GAD2: variants seen among roughly 807,000 people sequenced by gnomAD.
GAD2 encodes the protein glutamate decarboxylase 2.
GAD2 carries 22 observed loss-of-function variants against 80.1 expected under a neutral mutation model. The ratio of observed to expected loss-of-function variants is 0.27; its 90% CI spans 0.20 to 0.39. GAD2 has a LOEUF of 0.39. GAD2 is among the 10% of genes least tolerant of loss of function. The pLI, the probability that GAD2 is intolerant of heterozygous loss-of-function variation, is 1.00. For synonymous variants in GAD2, 274 were observed against 256.9 expected (o/e 1.07, Z -0.64); for missense variants, 624 against 738.4 (o/e 0.85, Z 1.80).
Position 26,217,500 on chromosome 10 carries a change from G to A in GAD2, c.77-110G>A, listed in dbSNP as rs879109080. 5 of 1,162,790 alleles carry A rather than the reference G, an allele frequency of 4.3e-6. No individual in the cohort carries two copies. The South Asian group carries it at 6.6e-5, about 15-fold the overall frequency. The allele number at this position is 1,162,790 out of a possible 1,614,324, so 72.0% of individuals were successfully genotyped here. On this transcript the variant is annotated intron_variant, in intron 1 of 15. Transcript: ENST00000376261. This position sits in a 1 kb window ranked among gnomAD's most constrained non-coding sequence, Gnocchi z 4.9. The stretch of plus-strand genomic sequence containing the variant: ...CTGAGCGGCCCCCAGGAGGAAGGCG[G>A]CCCCTCCTAGGACCCCGGACTGATT...
chr10:26,283,442 T>C (rs1380320705), intron 12 of GAD2, among the ~76,000 whole-genome samples: 2 of 152,232 alleles, frequency 1.3e-5, no homozygotes, highest in East Asian at 3.8e-4. Context: ...CAAGGAAGGC[T>C]TGTTTCTACA....
intron 6 of GAD2, among the ~76,000 whole-genome samples, chr10:26,226,767 C>A (rs1454836892): frequency 1.3e-5 from 2 of 152,294 alleles, no homozygotes; most frequent in Admixed American, 1.3e-4. Flanking sequence ...ATATCCAAAG[C>A]CTTCATGCTT....
chr10:26,244,796 T>C (rs1259364530), intron 7 of GAD2, among the ~76,000 whole-genome samples: 1 of 152,054 alleles, frequency 6.6e-6, no homozygotes, highest in African/African-American at 2.4e-5. Context: ...TGAAGATGGA[T>C]GGAGGTGATG....
chr10:26,248,957 G>C (rs1844844245), intron 8 of GAD2, among the ~76,000 whole-genome samples: 1 of 152,212 alleles, frequency 6.6e-6, no homozygotes, highest in Non-Finnish European at 1.5e-5. Context: ...AGATAGGCGA[G>C]AGGATCTCCA....
In GAD2 at chr10:26,235,323, T is replaced by G. The variant is rs1589139716; in HGVS notation, c.840+5546T>G. 2.0e-5 allele frequency among the ~76,000 whole-genome samples: 3 copies of G among 152,212 alleles called. No individual in the cohort carries two copies. The East Asian group carries it at 5.8e-4, about 29-fold the overall frequency. ...TTGCGAGACTCTGTGGCCTTCTGCATCCAACCAGAAATGTTCACATATTCA... is the reference window on the plus strand; with the variant it reads ...TTGCGAGACTCTGTGGCCTTCTGCAGCCAACCAGAAATGTTCACATATTCA... On this transcript the variant is annotated intron_variant, in intron 7 of 15. Coordinates refer to ENST00000376261, the MANE Select transcript of GAD2 (RefSeq NM_001134366.2).
intron 8 of GAD2, among the ~76,000 whole-genome samples, chr10:26,263,330 G>T (rs112705025): frequency 4.6e-5 from 7 of 152,258 alleles, no homozygotes; most frequent in South Asian, 2.1e-4. Context: ...ATAGCAAATA[G>T]GAAGTTCACT....
At chr10:26,290,269 G>T (rs1482672548) in intron 13 of GAD2, among the ~76,000 whole-genome samples, 1 of 152,144 alleles carries the variant, frequency 6.6e-6, no homozygotes, top group Non-Finnish European at 1.5e-5. Context: ...TAAATGCACA[G>T]AAATCCATCA....
intron 8 of GAD2, among the ~76,000 whole-genome samples, chr10:26,264,708 G>A (rs1845048439): frequency 6.6e-6 from 1 of 152,208 alleles, no homozygotes; most frequent in Non-Finnish European, 1.5e-5. Flanking sequence ...AGGGTCGGGA[G>A]GAGGAGCAGG....
chr10:26,250,010 A>C (rs1232853248), intron 8 of GAD2, among the ~76,000 whole-genome samples: 1 of 152,148 alleles, frequency 6.6e-6, no homozygotes, highest in Admixed American at 6.5e-5. Context: ...GTGAAAGTCA[A>C]AGATATTTAT....
Position 26,281,090 on chromosome 10 carries a change from A to G in GAD2, c.1236+3A>G, listed in dbSNP as rs1221611635. The G allele has an allele frequency of 1.2e-6, 2 of 1,604,056 alleles. No individual in the cohort carries two copies. Among genetic ancestry groups the G allele is most frequent in the South Asian group, 1.1e-5 (1 of 90,876 alleles). On this transcript the variant is annotated splice_donor_region_variant and intron_variant, in intron 12 of 15. Coordinates refer to ENST00000376261, the MANE Select transcript of GAD2 (RefSeq NM_001134366.2). Reference sequence around the variant, plus strand: ...CTGCTCTCCTGGTTAGAGAAGAGGTATGTCTCTCTTGACTCTGTGTCCCAG... The same window carrying G: ...CTGCTCTCCTGGTTAGAGAAGAGGTGTGTCTCTCTTGACTCTGTGTCCCAG...
intron 6 of GAD2, among the ~76,000 whole-genome samples, 181 bp from the exon 7 acceptor site, chr10:26,229,481 C>G (rs1844571176): frequency 6.6e-6 from 1 of 152,118 alleles, no homozygotes. Context: ...TGGCACCTGT[C>G]CTGTCCCCAT....
At chr10:26,245,474 G>C (rs1844797445) in intron 7 of GAD2, among the ~76,000 whole-genome samples, 2 of 148,018 alleles carry the variant, frequency 1.4e-5, no homozygotes, top group South Asian at 2.1e-4. Context: ...TTTCACTCTT[G>C]TCTCCCAAGT....
Position 26,301,459 on chromosome 10 carries a change from A to G in GAD2, c.*498A>G, listed in dbSNP as rs1834328932. The stretch of plus-strand genomic sequence containing the variant: ...TGTATTTAAATACATATAATTTTAC[A>G]AAAGGAAAATATATATATTAAAAAA... On this transcript the variant is annotated 3_prime_UTR_variant, in exon 16 of 16. Coordinates refer to ENST00000376261, the MANE Select transcript of GAD2 (RefSeq NM_001134366.2). 6.6e-6 allele frequency: 1 copy of G among 152,140 alleles called. No individual in the cohort carries two copies. Among genetic ancestry groups the G allele is most frequent in the Non-Finnish European group, 1.5e-5 (1 of 68,034 alleles). The allele number at this position is 152,140 out of a possible 1,614,324, so 9.4% of individuals were successfully genotyped here.
At chr10:26,239,431 G>C (rs1041863459) in intron 7 of GAD2, among the ~76,000 whole-genome samples, 1 of 152,056 alleles carries the variant, frequency 6.6e-6, no homozygotes, top group Non-Finnish European at 1.5e-5. Context: ...GAGGCATTGG[G>C]GTCCACGGAG....
chr10:26,282,041 C>G (rs1025117805), intron 12 of GAD2, among the ~76,000 whole-genome samples: 6 of 152,098 alleles, frequency 3.9e-5, no homozygotes, highest in Non-Finnish European at 7.4e-5. Flanking sequence ...CTCCTGAGTT[C>G]AAGCGATTCT....
intron 14 of GAD2, 61 bp from the exon 15 acceptor site, chr10:26,292,841 T>A: frequency 7.5e-7 from 1 of 1,328,218 alleles, no homozygotes; most frequent in Non-Finnish European, 1.1e-6. Flanking sequence ...TTTGAAATGT[T>A]CTTGGAATTT....
chr10:26,242,275 C>A (rs1022477431), intron 7 of GAD2, among the ~76,000 whole-genome samples: 1 of 151,600 alleles, frequency 6.6e-6, no homozygotes, highest in Non-Finnish European at 1.5e-5. Context: ...CGTGAGCCAC[C>A]GCGCCCGGCC....
chr10:26,246,076 T>C (rs982576750), intron 8 of GAD2, 76 bp downstream of exon 8: 4 of 1,255,040 alleles, frequency 3.2e-6, no homozygotes, highest in African/African-American at 1.5e-5. Flanking sequence ...GGTCTGAAAA[T>C]AGGAGAGGAC....
rs371567100 is a variant in GAD2 at position 26,299,509 on chromosome 10, C to T, written c.1585-1279C>T. Among the ~76,000 whole-genome samples the T allele has an allele frequency of 2.0e-5, 3 of 152,266 alleles. No homozygotes were observed. In the East Asian group the frequency reaches 5.8e-4, roughly 29 times the overall value. On this transcript the variant is annotated intron_variant, in intron 15 of 15. Coordinates refer to ENST00000376261, the MANE Select transcript of GAD2 (RefSeq NM_001134366.2). ...TGGATAGACTGTATGTACAGTTAGACATGATTTAAGTTTTTGCTTCTTCCT... is the reference window on the plus strand; with the variant it reads ...TGGATAGACTGTATGTACAGTTAGATATGATTTAAGTTTTTGCTTCTTCCT...
Sources: allele counts gnomAD v4.1 joint callset (sites outside exome capture counted in the v4.1 genomes callset), GRCh38; gene constraint gnomAD v4.1.1; non-coding constraint Gnocchi (gnomAD v3.1); transcripts MANE v1.5; gene names NCBI Gene and HGNC (gene_info 2026-07-23, HGNC 2026-07-21).